The following PRDM5 variants were observed in gnomAD, a reference collection of about 807,000 sequenced individuals.
PRDM5 encodes the protein PR/SET domain 5.
A neutral mutation model predicts 81.2 loss-of-function variants in PRDM5; 56 were observed. The observed-to-expected ratio is 0.69, with a 90% confidence interval of 0.56 to 0.86. PRDM5 has a LOEUF of 0.86. Among genes scored for constraint, PRDM5 ranks in the 40% least tolerant of loss-of-function variants. PRDM5 has a pLI of 0.00. For missense variants in PRDM5, 697 were observed against 770.1 expected, an observed-to-expected ratio of 0.91 and a Z score of 1.12; for synonymous variants, 267 against 256.4, an observed-to-expected ratio of 1.04 and a Z score of -0.39.
At chr4:120,862,667 ACTGTGC>A (rs1307624542) in intron 2 of PRDM5, among the ~76,000 whole-genome samples, 4 of 152,144 alleles carry the variant, frequency 2.6e-5, no homozygotes, top group African/African-American at 9.7e-5. Flanking sequence ...AAGGTGTTTT[ACTGTGC>A]CTAGACTACT....
At chr4:120,800,206 A>G (rs1191308677) in intron 8 of PRDM5, among the ~76,000 whole-genome samples, 1 of 152,198 alleles carries the variant, frequency 6.6e-6, no homozygotes, top group Admixed American at 6.5e-5. Context: ...TCTGAAAAGC[A>G]TTTAGTTCAC....
At chr4:120,785,837 G>A (rs561707891) in intron 10 of PRDM5, among the ~76,000 whole-genome samples, 6 of 151,956 alleles carry the variant, frequency 3.9e-5, no homozygotes, top group Non-Finnish European at 7.4e-5. Context: ...AGGTACATAA[G>A]AAACAAAAAT....
intron 15 of PRDM5, among the ~76,000 whole-genome samples, chr4:120,701,966 A>T (rs538364001): frequency 6.6e-6 from 1 of 152,206 alleles, no homozygotes; most frequent in South Asian, 2.1e-4. Flanking sequence ...ATCATCCTCA[A>T]ATAGAGGTGG....
intron 14 of PRDM5, among the ~76,000 whole-genome samples, chr4:120,716,898 T>A (rs934889376): frequency 6.6e-6 from 1 of 152,066 alleles, no homozygotes; most frequent in Non-Finnish European, 1.5e-5. Context: ...AACCCTCACA[T>A]AGACCCTCCC....
chr4:120,835,180 A>G (rs1332114903), intron 3 of PRDM5, among the ~76,000 whole-genome samples: 1 of 152,240 alleles, frequency 6.6e-6, no homozygotes, highest in East Asian at 1.9e-4. Context: ...CTATTCCTAA[A>G]GAGTTTACAG....
At chr4:120,872,229 T>A (rs966513722) in intron 2 of PRDM5, among the ~76,000 whole-genome samples, 12 of 147,648 alleles carry the variant, frequency 8.1e-5, no homozygotes, top group Non-Finnish European at 1.6e-4. Flanking sequence ...TCCAAAATAA[T>A]TCAAAGTGGG....
At chr4:120,704,214 T>C (rs1186385662) in intron 15 of PRDM5, among the ~76,000 whole-genome samples, 1 of 152,066 alleles carries the variant, frequency 6.6e-6, no homozygotes, top group Non-Finnish European at 1.5e-5. Flanking sequence ...CAGGAGAGAG[T>C]ACCTGATGTC....
intron 1 of PRDM5, 117 bp from the exon 2 acceptor site, chr4:120,907,674 G>T: frequency 1.2e-6 from 1 of 820,186 alleles, no homozygotes; most frequent in Non-Finnish European, 2.1e-6. Context: ...AAGAAGAGAT[G>T]CTTTTGAAAT....
At chr4:120,832,831 T>C (rs1756886389) in intron 3 of PRDM5, among the ~76,000 whole-genome samples, 1 of 152,066 alleles carries the variant, frequency 6.6e-6, no homozygotes, top group East Asian at 1.9e-4. Context: ...TGGTCAACAG[T>C]TGAGAGGGTG....
intron 15 of PRDM5, among the ~76,000 whole-genome samples, chr4:120,702,020 G>C (rs574416592): frequency 6.6e-6 from 1 of 152,212 alleles, no homozygotes; most frequent in African/African-American, 2.4e-5. Flanking sequence ...ATTGTGGGGG[G>C]TATCTCACTG....
chr4:120,834,479 C>T (rs1757112755), intron 3 of PRDM5, among the ~76,000 whole-genome samples: 1 of 152,166 alleles, frequency 6.6e-6, no homozygotes, highest in Non-Finnish European at 1.5e-5. Context: ...GCACCTTGAT[C>T]TTGGACTTCC....
intron 2 of PRDM5, among the ~76,000 whole-genome samples, chr4:120,859,205 T>C (rs1277926308): frequency 6.7e-6 from 1 of 148,382 alleles, no homozygotes; most frequent in African/African-American, 2.5e-5. Flanking sequence ...ACATACCATG[T>C]CAACTTTTTT....
chr4:120,806,355 G>C (rs531899266), intron 8 of PRDM5, among the ~76,000 whole-genome samples: 23 of 152,216 alleles, frequency 1.5e-4, no homozygotes, highest in Admixed American at 1.4e-3. Flanking sequence ...CTACGTGAAA[G>C]TTCCTATGGA....
At position 120,853,631 on chromosome 4, in the gene PRDM5, G is replaced by T. The variant is rs1042554465; in HGVS notation, c.178-91C>A. The T allele has an allele frequency of 2.0e-5, 31 of 1,514,484 alleles. No homozygotes were observed. In the Admixed American group the frequency reaches 5.2e-4, roughly 26 times the overall value. The allele number at this position is 1,514,484 out of a possible 1,614,324, so 93.8% of individuals were successfully genotyped here. On this transcript the variant is annotated intron_variant, in intron 2 of 15. Coordinates refer to ENST00000264808, the MANE Select transcript of PRDM5 (RefSeq NM_018699.4). Reference sequence around the variant, plus strand: ...GTTAGGACATGACGTTTTTTCATAAGTATATACCTTTTTTATTGATGGGTG... The same window carrying T: ...GTTAGGACATGACGTTTTTTCATAATTATATACCTTTTTTATTGATGGGTG...
At chr4:120,705,362 A>T (rs570877116) in intron 15 of PRDM5, among the ~76,000 whole-genome samples, 1 of 152,318 alleles carries the variant, frequency 6.6e-6, no homozygotes, top group South Asian at 2.1e-4. Context: ...CATGAAGACA[A>T]ATAATATAGA....
At chr4:120,697,157 A>G (rs1044242213) in intron 15 of PRDM5, among the ~76,000 whole-genome samples, 1 of 152,206 alleles carries the variant, frequency 6.6e-6, no homozygotes, top group African/African-American at 2.4e-5. Flanking sequence ...AAACACACGC[A>G]TACTGTACTT....
rs372920799 is a variant in PRDM5 at position 120,746,985 on chromosome 4, G to A, written c.1623+7568C>T. Among the ~76,000 whole-genome samples the A allele has an allele frequency of 4.7e-5, 7 of 150,488 alleles. No homozygotes were observed. In the East Asian group the frequency reaches 5.8e-4, roughly 13 times the overall value. ...TGCTGCTATAAAGACACATGCACAC[G>A]TATGTTTATTGCAGCATTATTCACA... is the stretch of plus-strand genomic sequence containing the variant. On this transcript the variant is annotated intron_variant, in intron 14 of 15. Coordinates refer to ENST00000264808, the MANE Select transcript of PRDM5 (RefSeq NM_018699.4).
chr4:120,784,941 T>A (rs1749548822), intron 11 of PRDM5, 57 bp downstream of exon 11: 1 of 1,398,480 alleles, frequency 7.2e-7, no homozygotes, highest in Non-Finnish European at 1.0e-6. Context: ...TCAAAGGTTA[T>A]AAAAACAAAG....
rs576743028 is a variant in PRDM5, at chr4:120,846,707, T to C, written c.300+6711A>G. 2.0e-5 allele frequency among the ~76,000 whole-genome samples: 3 copies of C among 152,264 alleles called. No individual in the cohort carries two copies. In the East Asian group the frequency reaches 5.8e-4, roughly 29 times the overall value. ...TAAGTGTTTTGCATATATTATCTCA[T>C]TTAATTTAGTCCTCACAAAAATCCA... On this transcript the variant is annotated intron_variant, in intron 3 of 15. Transcript: ENST00000264808.
Sources: gnomAD v4.1 joint callset for allele counts (sites outside exome capture counted in the v4.1 genomes callset) on GRCh38, gnomAD v4.1.1 for gene constraint, MANE v1.5 for transcripts, NCBI Gene and HGNC (gene_info 2026-07-23, HGNC 2026-07-21) for gene names.